Variants in HMGCLL1 observed in about 807,000 individuals in gnomAD.
The protein encoded by HMGCLL1 is 3-hydroxymethyl-3-methylglutaryl-CoA lyase, cytoplasmic.
A neutral mutation model predicts 39.1 loss-of-function variants in HMGCLL1; 36 were observed. That is an observed-to-expected ratio of 0.92 (90% confidence interval 0.71 to 1.22). HMGCLL1 has a LOEUF of 1.22. Among genes scored for constraint, HMGCLL1 ranks in the 50% most tolerant of loss-of-function variants. The pLI is 0.00. For synonymous variants in HMGCLL1, 149 were observed against 144.0 expected (o/e 1.03, Z -0.25); for missense variants, 451 against 416.5 (o/e 1.08, Z -0.72).
At chr6:55,453,220 C>T (rs1401873883) in intron 7 of HMGCLL1, among the ~76,000 whole-genome samples, 1 of 152,138 alleles carries the variant, frequency 6.6e-6, no homozygotes, top group African/African-American at 2.4e-5. Context: ...GCTCTGTCGC[C>T]CAGGCTGGAG....
chr6:55,631,435 A>G, the HMGCLL1 span, among the ~76,000 whole-genome samples: 1 of 152,096 alleles, frequency 6.6e-6, no homozygotes, highest in Non-Finnish European at 1.5e-5. Flanking sequence ...CATTTTCCCC[A>G]GAATGAAAAA....
the HMGCLL1 span, among the ~76,000 whole-genome samples, chr6:55,625,314 G>A: frequency 0.017 from 2,573 of 152,080 alleles, 131 homozygotes; most frequent in Admixed American, 0.1. Context: ...TTCCATCATC[G>A]AATGGAAGTG....
the HMGCLL1 span, among the ~76,000 whole-genome samples, chr6:55,610,870 G>A: frequency 8.2e-3 from 1,253 of 152,052 alleles, 50 homozygotes; most frequent in Admixed American, 0.065. Flanking sequence ...AAGAGAGTGG[G>A]GACCAATATT....
At chr6:55,557,849 T>A (rs1050143657) in intron 1 of HMGCLL1, among the ~76,000 whole-genome samples, 1 of 152,240 alleles carries the variant, frequency 6.6e-6, no homozygotes, top group South Asian at 2.1e-4. Context: ...GCCCGTACTG[T>A]ACTTAAAAGT....
At chr6:55,512,112 T>C (rs1460922041) in intron 5 of HMGCLL1, 1 of 152,104 alleles carries the variant, frequency 6.6e-6, no homozygotes, top group Non-Finnish European at 1.5e-5. Context: ...CCAGTTACAT[T>C]AACTATTCCA....
At chr6:55,502,165 G>GTATA (rs1766924511) in intron 5 of HMGCLL1, among the ~76,000 whole-genome samples, 1 of 151,680 alleles carries the variant, frequency 6.6e-6, no homozygotes, top group African/African-American at 2.4e-5. Context: ...GTTTGACTAG[G>GTATA]TATAAAATTC....
At chr6:55,655,993 T>C in the HMGCLL1 span, among the ~76,000 whole-genome samples, 11 of 151,970 alleles carry the variant, frequency 7.2e-5, no homozygotes, top group African/African-American at 2.7e-4. Context: ...GGTAATCTCA[T>C]ATATTCTCTT....
At chr6:55,541,951 G>T in intron 2 of HMGCLL1, 109 bp downstream of exon 2, 1 of 940,438 alleles carries the variant, frequency 1.1e-6, no homozygotes, top group Non-Finnish European at 1.6e-6. Flanking sequence ...AATTCAAGTA[G>T]CAATTGAGAA....
At chr6:55,577,268 C>T in intron 1 of HMGCLL1, 1 of 1,423,402 alleles carries the variant, frequency 7.0e-7, no homozygotes, top group Non-Finnish European at 9.5e-7. Flanking sequence ...AGTATTGGAA[C>T]TAAAACAGAA....
chr6:55,477,931 C>G (rs747688526), intron 7 of HMGCLL1, among the ~76,000 whole-genome samples: 27 of 151,014 alleles, frequency 1.8e-4, no homozygotes, highest in Non-Finnish European at 3.4e-4. Flanking sequence ...AAAAATCAAA[C>G]AGAGTCGATT....
the HMGCLL1 span, among the ~76,000 whole-genome samples, chr6:55,649,879 T>A: frequency 6.6e-6 from 1 of 151,356 alleles, no homozygotes; most frequent in African/African-American, 2.4e-5. Context: ...GAGATACTGA[T>A]GAATTTTTCA....
chr6:55,484,371 C>A (rs139939872), intron 7 of HMGCLL1, among the ~76,000 whole-genome samples: 1 of 152,010 alleles, frequency 6.6e-6, no homozygotes, highest in Admixed American at 6.6e-5. Flanking sequence ...TGTCTCGGTG[C>A]CCCATTTATC....
At chr6:55,580,039 G>A (rs1403172045), upstream of HMGCLL1, among the ~76,000 whole-genome samples, 1 of 152,094 alleles carries the variant, frequency 6.6e-6, no homozygotes, top group Non-Finnish European at 1.5e-5. Flanking sequence ...GGATACCTAG[G>A]GTCTTCCGGA....
chr6:55,513,734 C>A (rs45607037), intron 5 of HMGCLL1: 5,290 of 332,026 alleles, frequency 0.016, 69 homozygotes, highest in Non-Finnish European at 0.023. Context: ...ACCAACTTAT[C>A]AGCACATGTA....
intron 6 of HMGCLL1, among the ~76,000 whole-genome samples, chr6:55,497,270 C>T (rs1581858377): frequency 6.6e-6 from 1 of 151,684 alleles, no homozygotes; most frequent in African/African-American, 2.4e-5. Context: ...AGAATACAGA[C>T]AACAAAACAC....
chr6:55,615,866 G>A, the HMGCLL1 span, among the ~76,000 whole-genome samples: 1 of 152,058 alleles, frequency 6.6e-6, no homozygotes, highest in Non-Finnish European at 1.5e-5. Context: ...AATAGGCAAA[G>A]ATGAGTGTAG....
chr6:55,632,804 G>C, the HMGCLL1 span, among the ~76,000 whole-genome samples: 66 of 152,144 alleles, frequency 4.3e-4, no homozygotes, highest in African/African-American at 1.5e-3. Flanking sequence ...TTTAGTAAAA[G>C]CATAATCATA....
chr6:55,637,102 T>C, the HMGCLL1 span, among the ~76,000 whole-genome samples: 3 of 152,096 alleles, frequency 2.0e-5, no homozygotes, highest in Non-Finnish European at 2.9e-5. Context: ...ATTTTCGAAA[T>C]ACCTTATTAC....
At chr6:55,507,781 G>C (rs568780134) in intron 5 of HMGCLL1, among the ~76,000 whole-genome samples, 1 of 151,714 alleles carries the variant, frequency 6.6e-6, no homozygotes, top group African/African-American at 2.4e-5. Flanking sequence ...TCATTTCATA[G>C]CTCCCACATT....
Sources: gnomAD v4.1 joint callset for allele counts (sites outside exome capture counted in the v4.1 genomes callset) on GRCh38, gnomAD v4.1.1 for gene constraint, MANE v1.5 for transcripts, NCBI Gene and HGNC (gene_info 2026-07-23, HGNC 2026-07-21) for gene names.